The following KHDRBS2 variants were observed in gnomAD, a reference collection of about 807,000 sequenced individuals.
KHDRBS2 encodes the protein KH domain-containing, RNA-binding, signal transduction-associated protein 2.
KHDRBS2 carries 26 observed loss-of-function variants against 44.3 expected under a neutral mutation model. The observed-to-expected ratio is 0.59, with a 90% CI of 0.43 to 0.81. The LOEUF (loss-of-function observed/expected upper bound fraction) is 0.81. Ranked by LOEUF, KHDRBS2 falls within the 40% of genes least tolerant of loss-of-function variation. The pLI is 0.00. For missense variants in KHDRBS2, 476 were observed against 433.1 expected (o/e 1.10, Z -0.88); for synonymous variants, 194 against 151.1 (o/e 1.28, Z -2.08).
chr6:62,022,355 T>C (rs1018646835), intron 3 of KHDRBS2, among the ~76,000 whole-genome samples: 6 of 151,652 alleles, frequency 4.0e-5, no homozygotes, highest in African/African-American at 1.4e-4. Context: ...CATCCTGAGG[T>C]TTCCCAAAGG....
chr6:61,590,829 T>C, the KHDRBS2 span, among the ~76,000 whole-genome samples: 1 of 152,200 alleles, frequency 6.6e-6, no homozygotes, highest in Non-Finnish European at 1.5e-5. Flanking sequence ...GATGATTACA[T>C]ATCCAAGGTC....
At chr6:62,066,558 T>C (rs576956231) in intron 2 of KHDRBS2, among the ~76,000 whole-genome samples, 1 of 151,860 alleles carries the variant, frequency 6.6e-6, no homozygotes, top group African/African-American at 2.4e-5. Flanking sequence ...CATAAGTCTC[T>C]TGTATGTTGT....
chr6:62,198,814 T>A (rs1273110371), intron 1 of KHDRBS2, among the ~76,000 whole-genome samples: 1 of 152,104 alleles, frequency 6.6e-6, no homozygotes, highest in African/African-American at 2.4e-5. Context: ...ATATCCCTGA[T>A]GAACATTGAT....
At chr6:62,090,235 A>T (rs1356794994) in intron 2 of KHDRBS2, among the ~76,000 whole-genome samples, 2 of 152,182 alleles carry the variant, frequency 1.3e-5, no homozygotes, top group East Asian at 3.8e-4. Flanking sequence ...ATACTAAAGG[A>T]ATTGGTCCTT....
intron 1 of KHDRBS2, among the ~76,000 whole-genome samples, chr6:62,194,971 T>A (rs961004834): frequency 1.3e-5 from 2 of 152,152 alleles, no homozygotes; most frequent in African/African-American, 4.8e-5. Flanking sequence ...TATAAGAAAC[T>A]ACCTGAAATG....
the KHDRBS2 span, among the ~76,000 whole-genome samples, chr6:61,673,442 G>T: frequency 6.6e-6 from 1 of 151,180 alleles, no homozygotes; most frequent in Non-Finnish European, 1.5e-5. Flanking sequence ...GGCAGGAGAA[G>T]GAAATGAAGG....
chr6:61,803,648 T>C (rs890024861), intron 6 of KHDRBS2, among the ~76,000 whole-genome samples: 2 of 152,128 alleles, frequency 1.3e-5, no homozygotes, highest in African/African-American at 4.8e-5. Context: ...ACTTATGCCA[T>C]GAAGAAATGC....
chr6:61,579,020 G>A, the KHDRBS2 span, among the ~76,000 whole-genome samples: 1 of 152,104 alleles, frequency 6.6e-6, no homozygotes, highest in Non-Finnish European at 1.5e-5. Context: ...ACTATTAATT[G>A]TTTTTAGCCC....
intron 1 of KHDRBS2, among the ~76,000 whole-genome samples, chr6:62,284,554 T>A (rs964026911): frequency 2.7e-4 from 36 of 135,770 alleles, no homozygotes; most frequent in African/African-American, 8.3e-4. Context: ...TAATTTATAT[T>A]TTTTTTCATT....
chr6:61,940,846 G>T (rs902580464), intron 4 of KHDRBS2, among the ~76,000 whole-genome samples: 2 of 152,166 alleles, frequency 1.3e-5, no homozygotes, highest in African/African-American at 2.4e-5. Flanking sequence ...TGAGCAAACT[G>T]CCAGCTACTG....
intron 4 of KHDRBS2, among the ~76,000 whole-genome samples, chr6:61,920,178 G>C (rs931969051): frequency 2.0e-5 from 3 of 151,922 alleles, no homozygotes; most frequent in Admixed American, 6.6e-5. Flanking sequence ...ATTCTGGAGA[G>C]GTTGTTTCAT....
the KHDRBS2 span, among the ~76,000 whole-genome samples, chr6:61,662,726 C>T: frequency 1.8e-4 from 27 of 151,886 alleles, no homozygotes; most frequent in East Asian, 1.4e-3. Context: ...GTTAGAATGG[C>T]GATCATTAAA....
chr6:62,058,273 GCA>G (rs1181925420), intron 2 of KHDRBS2, among the ~76,000 whole-genome samples: 2 of 151,814 alleles, frequency 1.3e-5, no homozygotes, highest in Non-Finnish European at 2.9e-5. Flanking sequence ...AATCTCTCCT[GCA>G]GAGAGAATTC....
chr6:61,925,725 C>CAAA (rs563177938), intron 4 of KHDRBS2, among the ~76,000 whole-genome samples: 5 of 89,238 alleles, frequency 5.6e-5, no homozygotes, highest in Non-Finnish European at 7.1e-5. Flanking sequence ...CTCTCTCTCT[C>CAAA]AAAAAAAAAA....
rs370059675 is a variant in KHDRBS2, at chr6:62,129,585, AT to A, written c.219+47599del. Among the ~76,000 whole-genome samples the A allele has an allele frequency of 3.8e-3, 585 of 152,306 alleles. 2 individuals carry two copies. The highest frequency in any genetic ancestry group is 0.014 in the African/African-American group (566 of 41,576). On this transcript the variant is annotated intron_variant, in intron 2 of 8. Coordinates refer to ENST00000281156, the MANE Select transcript of KHDRBS2 (RefSeq NM_152688.4). Reference sequence around the variant, plus strand: ...AACACAGTTTTAAAATATTCTTAAAATATGTCAAATAAAGAAGTAGTGACAA... The same window carrying A: ...AACACAGTTTTAAAATATTCTTAAAAATGTCAAATAAAGAAGTAGTGACAA...
chr6:61,975,719 C>T (rs986620845), intron 4 of KHDRBS2, among the ~76,000 whole-genome samples: 13 of 150,350 alleles, frequency 8.6e-5, no homozygotes, highest in South Asian at 4.2e-4. Context: ...AGGAGCTATG[C>T]GGAAAATAAG....
At chr6:61,655,046 C>G in the KHDRBS2 span, among the ~76,000 whole-genome samples, 2 of 151,758 alleles carry the variant, frequency 1.3e-5, no homozygotes, top group African/African-American at 2.4e-5. Flanking sequence ...TCAGATCTCC[C>G]TCCCGCTAAC....
At chr6:62,083,514 G>A (rs774381182) in intron 2 of KHDRBS2, among the ~76,000 whole-genome samples, 10 of 152,080 alleles carry the variant, frequency 6.6e-5, no homozygotes, top group Non-Finnish European at 1.2e-4. Flanking sequence ...AGCCATCCAC[G>A]GACAGCAAAA....
chr6:61,630,067 T>C, the KHDRBS2 span, among the ~76,000 whole-genome samples: 36 of 152,170 alleles, frequency 2.4e-4, no homozygotes, highest in African/African-American at 8.0e-4. Context: ...TTTCTATCAA[T>C]TCAAAGGGAT....
Sources: gnomAD v4.1 joint callset for allele counts (sites outside exome capture counted in the v4.1 genomes callset) on GRCh38, gnomAD v4.1.1 for gene constraint, MANE v1.5 for transcripts, NCBI Gene and HGNC (gene_info 2026-07-23, HGNC 2026-07-21) for gene names.